Variants in PRIMPOL observed in about 807,000 individuals in gnomAD.
PRIMPOL encodes the protein DNA-directed primase/polymerase protein.
In PRIMPOL, 54 loss-of-function variants were observed where a neutral mutation model predicts 63.6. The ratio of observed to expected loss-of-function variants is 0.85; its 90% CI spans 0.68 to 1.07. The LOEUF (loss-of-function observed/expected upper bound fraction) is 1.07. Among genes scored for constraint, PRIMPOL ranks in the 50% least tolerant of loss-of-function variants. PRIMPOL has a pLI of 0.00. For synonymous variants in PRIMPOL, 197 were observed against 220.2 expected (o/e 0.89, Z 0.93); for missense variants, 610 against 648.3 (o/e 0.94, Z 0.64).
intron 9 of PRIMPOL, among the ~76,000 whole-genome samples, chr4:184,684,973 A>G (rs1756634109): frequency 1.3e-5 from 2 of 152,026 alleles, no homozygotes; most frequent in African/African-American, 4.8e-5. Flanking sequence ...CAGAGTGGTT[A>G]TCTTTGTGCC....
chr4:184,658,982 TC>T (rs2150043128), intron 3 of PRIMPOL, among the ~76,000 whole-genome samples: 1 of 151,598 alleles, frequency 6.6e-6, no homozygotes. Context: ...TTAGCCCAAA[TC>T]ATTTATAATA....
Position 184,691,533 on chromosome 4 carries a change from CA to C in PRIMPOL, c.1335del (p.Lys445AsnfsTer79). 1 of 1,602,996 alleles carries C rather than the reference CA, an allele frequency of 6.2e-7. No homozygotes were observed. ...LVDLKNEVWY[Q>X]KCHDPVCKAE... is the part of the protein sequence containing the mutation. ...TGATCTGAAAAATGAAGTTTGGTAT[CA>C]AAAATGTCATGACCCTGTATGTAAA... On this transcript the variant is annotated frameshift_variant, in exon 12 of 14. Coordinates refer to ENST00000314970, the MANE Select transcript of PRIMPOL (RefSeq NM_152683.4). LOFTEE classifies it high-confidence loss of function.
At chr4:184,659,849 T>C (rs111501247) in intron 4 of PRIMPOL, among the ~76,000 whole-genome samples, 2,594 of 152,272 alleles carry the variant, frequency 0.017, 69 homozygotes, top group African/African-American at 0.051. Flanking sequence ...AGATGGAGTT[T>C]TACTCTTGTT....
chr4:184,692,834 T>C (rs1220703216), intron 13 of PRIMPOL, among the ~76,000 whole-genome samples: 1 of 152,216 alleles, frequency 6.6e-6, no homozygotes, highest in Non-Finnish European at 1.5e-5. Context: ...CAAAATGCAG[T>C]ACCTCAGTTG....
At chr4:184,676,804 C>T (rs185472105) in intron 7 of PRIMPOL, among the ~76,000 whole-genome samples, 1 of 3,368 alleles carries the variant, frequency 3.0e-4, no homozygotes, top group Admixed American at 2.6e-3. Context: ...CCTTCCCTTC[C>T]CCCTTCCCTT....
In PRIMPOL at chr4:184,678,461, A is replaced by G. The variant is rs1443938585; in HGVS notation, c.1007+67A>G. 5 of 1,112,994 alleles carry G rather than the reference A, an allele frequency of 4.5e-6. No homozygotes were observed. In the South Asian group the frequency reaches 7.4e-5, roughly 16 times the overall value. The allele number at this position is 1,112,994 out of a possible 1,614,324, so 68.9% of individuals were successfully genotyped here. Reference sequence around the variant, plus strand: ...TTTATTAAACAGTGAATGGCATTGTATATTACTAAAATGTAAATCATCTAA... The same window carrying G: ...TTTATTAAACAGTGAATGGCATTGTGTATTACTAAAATGTAAATCATCTAA... On this transcript the variant is annotated intron_variant, in intron 8 of 13. Transcript: ENST00000314970.
chr4:184,677,593 G>A (rs552445791), intron 7 of PRIMPOL, among the ~76,000 whole-genome samples: 131 of 152,158 alleles, frequency 8.6e-4, no homozygotes, highest in African/African-American at 2.9e-3. Flanking sequence ...CTCTAAGTTT[G>A]TTCTTTGAAA....
intron 13 of PRIMPOL, among the ~76,000 whole-genome samples, chr4:184,693,743 G>A (rs1759665998): frequency 6.7e-6 from 1 of 149,192 alleles, no homozygotes; most frequent in South Asian, 2.1e-4. Flanking sequence ...TCCCTCTACT[G>A]TATACATACG....
chr4:184,656,187 G>A (rs1746385848), intron 2 of PRIMPOL, among the ~76,000 whole-genome samples: 2 of 152,120 alleles, frequency 1.3e-5, no homozygotes, highest in Admixed American at 1.3e-4. Flanking sequence ...GCAGGACTCT[G>A]GGATAACCAA....
At chr4:184,693,941 T>A (rs1165779549) in intron 13 of PRIMPOL, among the ~76,000 whole-genome samples, 1 of 152,154 alleles carries the variant, frequency 6.6e-6, no homozygotes, top group Non-Finnish European at 1.5e-5. Context: ...GTAGCTGGGA[T>A]TACAGGCACG....
intron 8 of PRIMPOL, among the ~76,000 whole-genome samples, chr4:184,681,006 C>T (rs557602180): frequency 1.3e-5 from 2 of 152,278 alleles, no homozygotes; most frequent in Admixed American, 6.5e-5. Flanking sequence ...AACTACAGCC[C>T]GAAGTGCAGG....
At chr4:184,693,027 C>T (rs900766562) in intron 13 of PRIMPOL, among the ~76,000 whole-genome samples, 4 of 152,120 alleles carry the variant, frequency 2.6e-5, no homozygotes, top group Admixed American at 6.6e-5. Context: ...CATCTGTCAG[C>T]TTTCTCCTCT....
At chr4:184,660,234 G>A (rs1413157689) in intron 4 of PRIMPOL, among the ~76,000 whole-genome samples, 1 of 151,126 alleles carries the variant, frequency 6.6e-6, no homozygotes, top group Non-Finnish European at 1.5e-5. Context: ...TGCCCAGGCT[G>A]GAGTACAGTG....
chr4:184,656,464 C>T (rs549834823), intron 2 of PRIMPOL, among the ~76,000 whole-genome samples: 1 of 152,162 alleles, frequency 6.6e-6, no homozygotes, highest in South Asian at 2.1e-4. Flanking sequence ...TGCCTGGCCC[C>T]CTTACTCTGG....
At chr4:184,689,242 T>A (rs895783846) in intron 11 of PRIMPOL, among the ~76,000 whole-genome samples, 3 of 151,944 alleles carry the variant, frequency 2.0e-5, no homozygotes, top group African/African-American at 7.3e-5. Flanking sequence ...TTTTAAATTT[T>A]TTGTAGGTGG....
Position 184,691,494 on chromosome 4 carries a change from T to G in PRIMPOL, c.1296-5T>G. 6.6e-7 allele frequency: 1 copy of G among 1,518,752 alleles called. No individual in the cohort carries two copies. The highest frequency in any genetic ancestry group is 9.1e-7 in the Non-Finnish European group (1 of 1,104,386). The allele number at this position is 1,518,752 out of a possible 1,614,324, so 94.1% of individuals were successfully genotyped here. On this transcript the variant is annotated splice_region_variant and splice_polypyrimidine_tract_variant and intron_variant, in intron 11 of 13. Transcript: ENST00000314970. ...AATACTTTTTTTTTTTTTTTAAACA[T>G]AAAGGATTCTGGTTGATCTGAAAAA...
intron 3 of PRIMPOL, among the ~76,000 whole-genome samples, chr4:184,658,751 A>G (rs1421268684): frequency 6.6e-6 from 1 of 152,090 alleles, no homozygotes; most frequent in African/African-American, 2.4e-5. Flanking sequence ...TACTAAAAAT[A>G]CAAAAAATTA....
chr4:184,669,825 C>T (rs1369155123), intron 6 of PRIMPOL, among the ~76,000 whole-genome samples: 2 of 152,160 alleles, frequency 1.3e-5, no homozygotes, highest in Non-Finnish European at 2.9e-5. Flanking sequence ...GCCCCTTTCC[C>T]CTAGAATTAG....
intron 11 of PRIMPOL, among the ~76,000 whole-genome samples, chr4:184,688,599 C>G (rs775611583): frequency 1.3e-5 from 2 of 152,196 alleles, no homozygotes; most frequent in African/African-American, 4.8e-5. Context: ...GGAGGAAACC[C>G]GAGGCAGGCG....
Sources: allele counts gnomAD v4.1 joint callset (sites outside exome capture counted in the v4.1 genomes callset), GRCh38; gene constraint gnomAD v4.1.1; transcripts MANE v1.5; gene names NCBI Gene and HGNC (gene_info 2026-07-23, HGNC 2026-07-21).